CABLES1: variants seen among roughly 807,000 people sequenced by gnomAD.
CABLES1 encodes CDK5 and ABL1 enzyme substrate 1.
Under a neutral mutation model 57.8 loss-of-function variants are expected in CABLES1, and 36 were observed. The observed-to-expected ratio is 0.62, with a 90% CI of 0.48 to 0.82. The LOEUF (loss-of-function observed/expected upper bound fraction) is 0.82. CABLES1 is among the 40% of genes least tolerant of loss of function. CABLES1 has a pLI of 0.00. For synonymous variants in CABLES1, 374 were observed against 363.0 expected (o/e 1.03, Z -0.35); for missense variants, 767 against 836.6 (o/e 0.92, Z 1.03).
intron 5 of CABLES1, among the ~76,000 whole-genome samples, chr18:23,235,496 C>T (rs1046421508): frequency 1.4e-4 from 21 of 152,202 alleles, no homozygotes; most frequent in Non-Finnish European, 2.9e-5. Flanking sequence ...GGTAGGAGGC[C>T]ATGGCCCTCA....
intron 3 of CABLES1, among the ~76,000 whole-genome samples, chr18:23,202,043 G>GAGGAAGGAAGGAAGGA (rs55652834): frequency 6.6e-6 from 1 of 151,766 alleles, no homozygotes; most frequent in Non-Finnish European, 1.5e-5. Flanking sequence ...AGGTGATTGA[G>GAGGAAGGAAGGAAGGA]AGGAAGGAAG....
intron 1 of CABLES1, among the ~76,000 whole-genome samples, chr18:23,141,895 G>A (rs1368928892): frequency 6.6e-6 from 1 of 152,228 alleles, no homozygotes; most frequent in African/African-American, 2.4e-5. Context: ...TGAGGTGGCA[G>A]AGAGCCAAGG....
intron 3 of CABLES1, among the ~76,000 whole-genome samples, chr18:23,211,262 A>G (rs909083534): frequency 4.6e-5 from 7 of 152,198 alleles, no homozygotes; most frequent in Non-Finnish European, 1.0e-4. Flanking sequence ...GTAGTGAGGA[A>G]AATGCAGCAT....
chr18:23,167,209 TATTAA>T (rs2047048892), intron 1 of CABLES1, among the ~76,000 whole-genome samples: 1 of 152,236 alleles, frequency 6.6e-6, no homozygotes, highest in African/African-American at 2.4e-5. Flanking sequence ...CATCTTTTTT[TATTAA>T]ATTTAAAAAA....
At chr18:23,177,191 A>G (rs1286080942) in intron 1 of CABLES1, among the ~76,000 whole-genome samples, 2 of 152,106 alleles carry the variant, frequency 1.3e-5, no homozygotes, top group Non-Finnish European at 2.9e-5. Flanking sequence ...GAGCCCTCAC[A>G]GTGACTGGGG....
At chr18:23,178,776 T>G (rs1313611891) in intron 1 of CABLES1, among the ~76,000 whole-genome samples, 1 of 152,152 alleles carries the variant, frequency 6.6e-6, no homozygotes, top group Non-Finnish European at 1.5e-5. Flanking sequence ...ATTTGGCAAG[T>G]CTGATGAGAG....
At chr18:23,211,024 G>A (rs1168154119) in intron 3 of CABLES1, among the ~76,000 whole-genome samples, 5 of 151,816 alleles carry the variant, frequency 3.3e-5, no homozygotes, top group Non-Finnish European at 5.9e-5. Context: ...ATGTTTTTCT[G>A]GAACGAGCAG....
chr18:23,179,619 T>C (rs73968815), intron 1 of CABLES1, among the ~76,000 whole-genome samples: 144 of 152,382 alleles, frequency 9.4e-4, no homozygotes, highest in African/African-American at 3.2e-3. Flanking sequence ...GCCACTGTAG[T>C]GTCAGACTCT....
chr18:23,226,934 T>G (rs192698415), intron 4 of CABLES1: 1 of 152,280 alleles, frequency 6.6e-6, no homozygotes, highest in East Asian at 1.9e-4. Context: ...CCCCTTAAGA[T>G]AACCATACTT....
rs548504569 is a variant in CABLES1, at chr18:23,248,076, G to A, written c.1447-4884G>A. ...AGACAGAGCCTCTCCCGCAAGACCCGGGCCAGAGTGGGCCTGGCGCGCTCT... is the reference window on the plus strand; with the variant it reads ...AGACAGAGCCTCTCCCGCAAGACCCAGGCCAGAGTGGGCCTGGCGCGCTCT... On this transcript the variant is annotated intron_variant, in intron 7 of 9. Transcript: ENST00000256925. 7.9e-5 allele frequency among the ~76,000 whole-genome samples: 12 copies of A among 152,304 alleles called. No homozygotes were observed. The South Asian group carries it at 1.9e-3, about 24-fold the overall frequency.
chr18:23,136,050 G>GGGCGCCGGC lies in CABLES1; in HGVS notation c.295_303dup (p.Gly99_Ala101dup). 2 of 1,146,444 alleles carry GGGCGCCGGC rather than the reference G, an allele frequency of 1.7e-6. No homozygotes were observed. Among genetic ancestry groups the GGGCGCCGGC allele is most frequent in the Non-Finnish European group, 2.1e-6 (2 of 934,918 alleles). The allele number at this position is 1,146,444 out of a possible 1,614,324, so 71.0% of individuals were successfully genotyped here. On this transcript the variant is annotated inframe_insertion, in exon 1 of 10. Coordinates refer to ENST00000256925, the MANE Select transcript of CABLES1 (RefSeq NM_001100619.3). ...GCGAGGAGGGCGGCGCGGCCAAGCC[G>GGGCGCCGGC]GGCGCCGGCGGCGCCTGCGGCGCGA...
At chr18:23,140,594 G>A (rs866267998) in intron 1 of CABLES1, among the ~76,000 whole-genome samples, 14 of 152,146 alleles carry the variant, frequency 9.2e-5, no homozygotes, top group African/African-American at 2.9e-4. Context: ...GCGCCACCAC[G>A]CCTGGCTGAT....
chr18:23,223,342 G>T (rs2047503392), intron 4 of CABLES1, among the ~76,000 whole-genome samples: 1 of 152,106 alleles, frequency 6.6e-6, no homozygotes, highest in African/African-American at 2.4e-5. Context: ...CACTTTGGGA[G>T]GCCGAGGCGG....
intron 3 of CABLES1, chr18:23,196,909 A>G (rs2047287547): frequency 6.6e-6 from 1 of 152,378 alleles, no homozygotes; most frequent in African/African-American, 2.4e-5. Flanking sequence ...TGCGGGCCAG[A>G]TCCACGGCTG....
intron 4 of CABLES1, among the ~76,000 whole-genome samples, chr18:23,216,778 C>T (rs2047445451): frequency 2.0e-5 from 3 of 152,212 alleles, no homozygotes; most frequent in African/African-American, 4.8e-5. Flanking sequence ...ATGCGTGGCC[C>T]TCCACTCTTC....
At chr18:23,156,544 A>G (rs1479676117) in intron 1 of CABLES1, among the ~76,000 whole-genome samples, 2 of 152,180 alleles carry the variant, frequency 1.3e-5, no homozygotes, top group African/African-American at 2.4e-5. Context: ...CATTACCCCC[A>G]GTAGTTTGTT....
At chr18:23,183,854 A>G (rs1454893299) in intron 1 of CABLES1, among the ~76,000 whole-genome samples, 1 of 152,212 alleles carries the variant, frequency 6.6e-6, no homozygotes, top group East Asian at 1.9e-4. Flanking sequence ...TTACAGAGTG[A>G]AAAGTGGCTG....
intron 1 of CABLES1, among the ~76,000 whole-genome samples, chr18:23,149,536 T>C (rs543977893): frequency 6.6e-6 from 1 of 152,134 alleles, no homozygotes; most frequent in Non-Finnish European, 1.5e-5. Context: ...CCCACCTCAG[T>C]CTCCCAAGGT....
chr18:23,193,040 T>C (rs569430455), intron 2 of CABLES1, among the ~76,000 whole-genome samples: 5 of 152,222 alleles, frequency 3.3e-5, no homozygotes, highest in South Asian at 2.1e-4. Context: ...GGCCTTGTCT[T>C]TCTTTTTAAA....
Sources: gnomAD v4.1 joint callset for allele counts (sites outside exome capture counted in the v4.1 genomes callset) on GRCh38, gnomAD v4.1.1 for gene constraint, MANE v1.5 for transcripts, NCBI Gene and HGNC (gene_info 2026-07-23, HGNC 2026-07-21) for gene names.